The following XKR4 variants were observed in gnomAD, a reference collection of about 807,000 sequenced individuals.
XKR4 encodes the protein XK-related protein 4.
A neutral mutation model predicts 53.9 loss-of-function variants in XKR4; 12 were observed. The ratio of observed to expected loss-of-function variants is 0.22; its 90% CI spans 0.14 to 0.36. XKR4 has a LOEUF of 0.36. Ranked by LOEUF, XKR4 falls within the 10% of genes least tolerant of loss-of-function variation. XKR4 has a pLI of 1.00. For missense variants in XKR4, 799 were observed against 859.5 expected, an observed-to-expected ratio of 0.93 and a Z score of 0.88; for synonymous variants, 354 against 362.4, an observed-to-expected ratio of 0.98 and a Z score of 0.26.
chr8:55,220,037 T>TATTG (rs1219960545), intron 1 of XKR4, among the ~76,000 whole-genome samples: 1 of 152,158 alleles, frequency 6.6e-6, no homozygotes, highest in Non-Finnish European at 1.5e-5. Flanking sequence ...ATTGTATGTT[T>TATTG]CAAAATTGCT....
At chr8:55,522,844 G>T (rs761609437) in intron 2 of XKR4, among the ~76,000 whole-genome samples, 6 of 152,154 alleles carry the variant, frequency 3.9e-5, no homozygotes, top group Non-Finnish European at 7.3e-5. Flanking sequence ...ACCCATGCTG[G>T]GTTTGAGTAG....
At chr8:55,132,240 G>T (rs527668811) in intron 1 of XKR4, among the ~76,000 whole-genome samples, 4 of 152,296 alleles carry the variant, frequency 2.6e-5, no homozygotes, top group East Asian at 3.9e-4. Flanking sequence ...TTACTAAGAG[G>T]TTGAAAGAGA....
Position 55,298,009 on chromosome 8 carries a change from A to G in XKR4, c.807-59669A>G, listed in dbSNP as rs145811857. 2.0e-3 allele frequency among the ~76,000 whole-genome samples: 305 copies of G among 152,324 alleles called. 1 individual carries two copies. Among genetic ancestry groups the G allele is most frequent in the African/African-American group, 7.0e-3 (290 of 41,580 alleles). Reference sequence around the variant, plus strand: ...CTTTGTATATACTCAGAATTTTTCTAAACATTGCATATGATTAGTTACATT... The same window carrying G: ...CTTTGTATATACTCAGAATTTTTCTGAACATTGCATATGATTAGTTACATT... On this transcript the variant is annotated intron_variant, in intron 1 of 2. Transcript: ENST00000327381.
chr8:55,203,677 G>A (rs62517002), intron 1 of XKR4, among the ~76,000 whole-genome samples: 34,121 of 152,072 alleles, frequency 0.22, 4,247 homozygotes, highest in East Asian at 0.43. Flanking sequence ...GCCATACTCA[G>A]ACAAGTTAAC....
At chr8:55,307,467 T>C (rs1355740899) in intron 1 of XKR4, among the ~76,000 whole-genome samples, 1 of 151,984 alleles carries the variant, frequency 6.6e-6, no homozygotes, top group Non-Finnish European at 1.5e-5. Context: ...GCCTGAGCAA[T>C]ATAGGGAGAC....
rs1015985835 is a variant in XKR4, at chr8:55,541,143, T to A, written c.*16916T>A. 1.9e-4 allele frequency: 29 copies of A among 152,206 alleles called. No homozygotes were observed. The highest frequency in any genetic ancestry group is 3.2e-4 in the Non-Finnish European group (22 of 68,022). The allele number at this position is 152,206 out of a possible 1,614,324, so 9.4% of individuals were successfully genotyped here. On this transcript the variant is annotated 3_prime_UTR_variant, in exon 3 of 3. Transcript: ENST00000327381. ...GCTACTGTTGTTTTATTTAGAAACA[T>A]GAAACCATGCACTTTGTAATCAATA...
intron 1 of XKR4, among the ~76,000 whole-genome samples, chr8:55,127,735 C>CG (rs1816493328): frequency 7.5e-6 from 1 of 133,224 alleles, no homozygotes; most frequent in South Asian, 3.0e-4. Flanking sequence ...TCCCCCCTCC[C>CG]CCACCCCACA....
intron 1 of XKR4, among the ~76,000 whole-genome samples, chr8:55,196,198 T>C (rs2129361615): frequency 6.8e-6 from 1 of 146,700 alleles, no homozygotes; most frequent in Admixed American, 6.7e-5. Flanking sequence ...TTTTTTTTGT[T>C]GAGATGGAGT....
rs563673233 is a variant in XKR4 at position 55,303,209 on chromosome 8, G to A, written c.807-54469G>A. 1.8e-4 allele frequency among the ~76,000 whole-genome samples: 27 copies of A among 152,288 alleles called. No homozygotes were observed. The East Asian group carries it at 4.2e-3, about 24-fold the overall frequency. ...TTATTGAGAGTTTTTAGCATGAAGC[G>A]TTGTTGAATTTTGTCAAAGGACTTT... is the stretch of plus-strand genomic sequence containing the variant. On this transcript the variant is annotated intron_variant, in intron 1 of 2. Transcript: ENST00000327381.
intron 2 of XKR4, among the ~76,000 whole-genome samples, chr8:55,448,275 T>C (rs1279502233): frequency 1.3e-5 from 2 of 152,212 alleles, no homozygotes; most frequent in Non-Finnish European, 2.9e-5. Context: ...GCGCTCTTCT[T>C]CCCATACACC....
chr8:55,452,769 C>G (rs1056977940), intron 2 of XKR4: 2 of 804,470 alleles, frequency 2.5e-6, no homozygotes, highest in Non-Finnish European at 4.4e-6. Flanking sequence ...CGTGTCATAG[C>G]TCTCAGCCAC....
intron 1 of XKR4, among the ~76,000 whole-genome samples, chr8:55,344,073 A>G (rs1194541178): frequency 6.6e-6 from 1 of 152,098 alleles, no homozygotes; most frequent in Non-Finnish European, 1.5e-5. Flanking sequence ...CTGCTTCTGG[A>G]CACTTCAGAC....
chr8:55,508,049 T>C (rs1277157413), intron 2 of XKR4, among the ~76,000 whole-genome samples: 2 of 152,158 alleles, frequency 1.3e-5, no homozygotes, highest in Non-Finnish European at 2.9e-5. Context: ...AATTGGTCAT[T>C]TCCATTTAAA....
rs1200182486 is a variant in XKR4 at position 55,102,459 on chromosome 8, A to T, written c.-30A>T. ...GACAGCGGGGAAAGGTGTCAGATAA[A>T]GGAGGGCTCTCCTCCGGTGTGGAGG... is the stretch of plus-strand genomic sequence containing the variant. On this transcript the variant is annotated 5_prime_UTR_variant, in exon 1 of 3. The change creates a new upstream start codon in the 5' untranslated region. Transcript: ENST00000327381. The surrounding 1 kb of genome is among the most constrained non-coding windows in gnomAD (Gnocchi z 5.1). The T allele has an allele frequency of 1.0e-5, 16 of 1,531,376 alleles. No individual in the cohort carries two copies. The Admixed American group carries it at 1.3e-4, about 12-fold the overall frequency. The allele number at this position is 1,531,376 out of a possible 1,614,324, so 94.9% of individuals were successfully genotyped here. A position where few individuals can be genotyped will look rare whatever the true frequency, so the allele number is the denominator to read the frequency against.
At chr8:55,407,236 A>G (rs1383305474) in intron 2 of XKR4, among the ~76,000 whole-genome samples, 1 of 120,786 alleles carries the variant, frequency 8.3e-6, no homozygotes, top group Non-Finnish European at 1.6e-5. Context: ...CCAGCCTCGC[A>G]TAGAGAGGAC....
chr8:55,462,368 C>T (rs1158953478), intron 2 of XKR4, among the ~76,000 whole-genome samples: 2 of 152,084 alleles, frequency 1.3e-5, no homozygotes, highest in South Asian at 4.1e-4. Context: ...CATATCCAGC[C>T]AAACTAAGCT....
At chr8:55,483,205 C>G (rs1806138949) in intron 2 of XKR4, among the ~76,000 whole-genome samples, 1 of 152,150 alleles carries the variant, frequency 6.6e-6, no homozygotes, top group Non-Finnish European at 1.5e-5. Flanking sequence ...ATCTTTCACC[C>G]AGCATCATCA....
At chr8:55,242,090 A>G in intron 1 of XKR4, among the ~76,000 whole-genome samples, 1 of 152,216 alleles carries the variant, frequency 6.6e-6, no homozygotes, top group East Asian at 1.9e-4. Context: ...CTATGAATGC[A>G]GCTCATATTC....
At chr8:55,234,199 C>G (rs1818087999) in intron 1 of XKR4, among the ~76,000 whole-genome samples, 8 of 152,296 alleles carry the variant, frequency 5.3e-5, no homozygotes, top group Admixed American at 5.2e-4. Flanking sequence ...GCTGCTCAGA[C>G]CTGAAAATAC....
Sources: gnomAD v4.1 joint callset for allele counts (sites outside exome capture counted in the v4.1 genomes callset) on GRCh38, gnomAD v4.1.1 for gene constraint, Gnocchi (gnomAD v3.1) non-coding constraint, MANE v1.5 for transcripts, NCBI Gene and HGNC (gene_info 2026-07-23, HGNC 2026-07-21) for gene names.